Variants in SORCS3 observed in about 807,000 individuals in gnomAD.
SORCS3 encodes sortilin related VPS10 domain containing receptor 3.
A neutral mutation model predicts 146.3 loss-of-function variants in SORCS3; 57 were observed. The ratio of observed to expected loss-of-function variants is 0.39; its 90% CI spans 0.31 to 0.49. The LOEUF is 0.49. Ranked by LOEUF, SORCS3 falls within the 20% of genes least tolerant of loss-of-function variation. SORCS3 has a pLI of 0.92. For synonymous variants in SORCS3, 653 were observed against 618.5 expected, an observed-to-expected ratio of 1.06 and a Z score of -0.83; for missense variants, 1,341 against 1,575.5, an observed-to-expected ratio of 0.85 and a Z score of 2.52.
intron 5 of SORCS3, among the ~76,000 whole-genome samples, chr10:105,074,449 T>A (rs1043631894): frequency 1.3e-5 from 2 of 152,196 alleles, no homozygotes; most frequent in Non-Finnish European, 2.9e-5. Context: ...GCAGCCAAGA[T>A]TCCTCCCTTC....
At chr10:105,226,218 T>G (rs2056733232) in intron 20 of SORCS3, among the ~76,000 whole-genome samples, 1 of 151,982 alleles carries the variant, frequency 6.6e-6, no homozygotes, top group African/African-American at 2.4e-5. Flanking sequence ...CTTTACTACA[T>G]TAAGGTACAT....
At chr10:104,839,406 G>C (rs2018111648) in intron 1 of SORCS3, among the ~76,000 whole-genome samples, 1 of 152,178 alleles carries the variant, frequency 6.6e-6, no homozygotes, top group Admixed American at 6.5e-5. Context: ...ATAATGAAAG[G>C]ATGGGGCACA....
chr10:104,696,658 G>GTATATAT (rs2016213613), intron 1 of SORCS3, among the ~76,000 whole-genome samples: 16 of 24,202 alleles, frequency 6.6e-4, no homozygotes, highest in Admixed American at 2.6e-3. Flanking sequence ...TATTATATAC[G>GTATATAT]TATATATAAT....
intron 1 of SORCS3, among the ~76,000 whole-genome samples, chr10:104,731,651 A>C (rs142008924): frequency 6.6e-6 from 1 of 152,144 alleles, no homozygotes. Flanking sequence ...TGGAACTTAC[A>C]TGCTTTTCCA....
chr10:105,032,069 G>A (rs2055271652), intron 4 of SORCS3, among the ~76,000 whole-genome samples: 1 of 152,120 alleles, frequency 6.6e-6, no homozygotes, highest in Non-Finnish European at 1.5e-5. Flanking sequence ...GCAGGCTTCT[G>A]TAATCCCAGC....
chr10:104,971,209 T>C (rs2054858507), intron 3 of SORCS3, among the ~76,000 whole-genome samples: 1 of 152,190 alleles, frequency 6.6e-6, no homozygotes, highest in African/African-American at 2.4e-5. Context: ...CAGATTTATA[T>C]TACAGGTTGA....
chr10:105,199,705 AT>A (rs1008899987), intron 14 of SORCS3, among the ~76,000 whole-genome samples: 4 of 151,850 alleles, frequency 2.6e-5, no homozygotes, highest in African/African-American at 9.7e-5. Flanking sequence ...ACCGGTCCCA[AT>A]TTTTTTTCTT....
chr10:105,178,156 G>A lies in SORCS3; in HGVS notation c.1992G>A (p.Met664Ile). Residue 664 changes from methionine to isoleucine, a missense_variant, in exon 14 of 27, where the codon ATG (methionine) becomes ATA (isoleucine). Physicochemically the swap from Met to Ile is conservative, Grantham distance 10. Transcript: ENST00000369701. ...ACGGGGCTCTGGTGGAGGCAGGAAT[G>A]GAGACCCACATCATGACGTGAGTAC... ...FVDGALVEAGMETHIMTVFGH... is the reference protein window; with the variant it reads ...FVDGALVEAGIETHIMTVFGH... 1 of 1,612,762 alleles carries A rather than the reference G, an allele frequency of 6.2e-7. No homozygotes were observed. Among genetic ancestry groups the A allele is most frequent in the South Asian group, 1.1e-5 (1 of 90,936 alleles).
chr10:104,968,263 A>G (rs2054837904), intron 3 of SORCS3, among the ~76,000 whole-genome samples: 1 of 152,120 alleles, frequency 6.6e-6, no homozygotes, highest in Admixed American at 6.5e-5. Context: ...TTACAGGCAC[A>G]TGCCACCACA....
intron 1 of SORCS3, among the ~76,000 whole-genome samples, chr10:104,824,939 G>A (rs541699873): frequency 2.6e-5 from 4 of 152,310 alleles, no homozygotes; most frequent in Non-Finnish European, 5.9e-5. Context: ...GAGACAAGAG[G>A]GTTGGATCAC....
rs397847689 is a variant in SORCS3, at chr10:105,176,390, T to TTA, written c.1902-1676_1902-1675insTA. Among the ~76,000 whole-genome samples, 4 of 143,668 alleles carry TTA rather than the reference T, an allele frequency of 2.8e-5. 1 individual carries two copies. Among genetic ancestry groups the TTA allele is most frequent in the Admixed American group, 2.1e-4 (3 of 14,294 alleles). The allele number at this position is 143,668 out of a possible 152,430, so 94.3% of individuals were successfully genotyped here. A position where few individuals can be genotyped will look rare whatever the true frequency, so the allele number is the denominator to read the frequency against. Reference sequence around the variant, plus strand: ...AACACCCCACCTCTACAAAAATAATTAAAAAAAAAAAAATTAGCCAGGTCC... The same window carrying TTA: ...AACACCCCACCTCTACAAAAATAATTTAAAAAAAAAAAAAATTAGCCAGGTCC... On this transcript the variant is annotated intron_variant, in intron 13 of 26. Transcript: ENST00000369701.
intron 1 of SORCS3, among the ~76,000 whole-genome samples, chr10:104,781,456 G>A (rs2017373289): frequency 6.6e-6 from 1 of 152,222 alleles, no homozygotes; most frequent in Non-Finnish European, 1.5e-5. Flanking sequence ...AGTGCATGAG[G>A]TAGGTTCAGT....
At chr10:105,235,767 G>A (rs914687435) in intron 20 of SORCS3, among the ~76,000 whole-genome samples, 54 of 152,060 alleles carry the variant, frequency 3.6e-4, no homozygotes, top group African/African-American at 1.1e-3. Context: ...GGTTTCATGG[G>A]TTAAGTTTCT....
chr10:105,208,577 A>T (rs2056615932), intron 16 of SORCS3, among the ~76,000 whole-genome samples: 1 of 151,108 alleles, frequency 6.6e-6, no homozygotes, highest in Non-Finnish European at 1.5e-5. Flanking sequence ...CACCATGCAG[A>T]TACATGGATG....
At chr10:104,743,966 A>G (rs1262298495) in intron 1 of SORCS3, among the ~76,000 whole-genome samples, 1 of 152,210 alleles carries the variant, frequency 6.6e-6, no homozygotes, top group Non-Finnish European at 1.5e-5. Context: ...TCTAACAACA[A>G]TAATAATACT....
At chr10:104,713,478 C>T (rs975465684) in intron 1 of SORCS3, among the ~76,000 whole-genome samples, 13 of 152,076 alleles carry the variant, frequency 8.5e-5, no homozygotes, top group African/African-American at 3.1e-4. Flanking sequence ...CCCTCTGTTT[C>T]TAGTTTGCTG....
chr10:104,745,375 A>G (rs1158306991), intron 1 of SORCS3, among the ~76,000 whole-genome samples: 2 of 152,228 alleles, frequency 1.3e-5, no homozygotes, highest in Non-Finnish European at 2.9e-5. Context: ...GTATATACTT[A>G]TATAGAAGTA....
intron 1 of SORCS3, among the ~76,000 whole-genome samples, chr10:104,799,302 C>G (rs2017595790): frequency 6.6e-6 from 1 of 152,116 alleles, no homozygotes. Context: ...CCCAAATGTC[C>G]ATCAATGATA....
chr10:105,151,550 C>T (rs1402189153), intron 9 of SORCS3, among the ~76,000 whole-genome samples: 1 of 152,072 alleles, frequency 6.6e-6, no homozygotes, highest in African/African-American at 2.4e-5. Flanking sequence ...CTTGGGCTGA[C>T]CTTGCCCACT....
Sources: gnomAD v4.1 joint callset for allele counts (sites outside exome capture counted in the v4.1 genomes callset) on GRCh38, gnomAD v4.1.1 for gene constraint, MANE v1.5 for transcripts, NCBI Gene and HGNC (gene_info 2026-07-23, HGNC 2026-07-21) for gene names.